TMEM167A: variants seen among roughly 807,000 people sequenced by gnomAD.
TMEM167A encodes the protein protein kish-A.
TMEM167A carries 8 observed loss-of-function variants against 11.6 expected under a neutral mutation model. The observed-to-expected ratio is 0.69, with a 90% CI of 0.40 to 1.24. TMEM167A has a LOEUF of 1.24. TMEM167A is among the 50% of genes most tolerant of loss of function. TMEM167A has a pLI of 0.01. For synonymous variants in TMEM167A, 22 were observed against 28.0 expected, an observed-to-expected ratio of 0.79 and a Z score of 0.67; for missense variants, 62 against 87.0, an observed-to-expected ratio of 0.71 and a Z score of 1.14.
chr5:83,069,168 A>G (rs1744526842), intron 1 of TMEM167A, among the ~76,000 whole-genome samples: 1 of 152,182 alleles, frequency 6.6e-6, no homozygotes, highest in Non-Finnish European at 1.5e-5. Context: ...AAAACAAATA[A>G]TCTTAGGTGG....
chr5:83,069,442 T>C (rs1189705112), intron 1 of TMEM167A, among the ~76,000 whole-genome samples: 1 of 152,256 alleles, frequency 6.6e-6, no homozygotes, highest in East Asian at 1.9e-4. Flanking sequence ...GAAAAGATGA[T>C]TAAAAGGTGG....
intron 3 of TMEM167A, among the ~76,000 whole-genome samples, chr5:83,061,247 T>C (rs1744402244): frequency 6.6e-6 from 1 of 152,188 alleles, no homozygotes; most frequent in Non-Finnish European, 1.5e-5. Flanking sequence ...CAAAATGGTA[T>C]ACATTATACA....
intron 3 of TMEM167A, among the ~76,000 whole-genome samples, chr5:83,057,754 C>T (rs375786341): frequency 1.3e-5 from 2 of 152,074 alleles, no homozygotes; most frequent in East Asian, 3.9e-4. Context: ...AAAAGTAGAA[C>T]TAAAACTAAC....
At chr5:83,062,835 A>C (rs894771889) in intron 2 of TMEM167A, among the ~76,000 whole-genome samples, 2 of 151,494 alleles carry the variant, frequency 1.3e-5, no homozygotes, top group Non-Finnish European at 2.9e-5. Context: ...AAATTCCAGA[A>C]AAATTTATAG....
chr5:83,075,880 G>A (rs1032136694), intron 1 of TMEM167A, among the ~76,000 whole-genome samples: 12 of 152,174 alleles, frequency 7.9e-5, no homozygotes, highest in African/African-American at 1.4e-4. Context: ...AAGCTGCTAA[G>A]TTAGCCTTCT....
Position 83,056,796 on chromosome 5 carries a change from A to G in TMEM167A, c.*288T>C, listed in dbSNP as rs1048186056. 1.2e-5 allele frequency: 5 copies of G among 417,126 alleles called. No individual in the cohort carries two copies. The highest frequency in any genetic ancestry group is 8.4e-5 in the African/African-American group (4 of 47,686). 25.8% of individuals were successfully genotyped at this position (417,126 alleles called of 1,614,324 possible). A position where few individuals can be genotyped will look rare whatever the true frequency, so the allele number is the denominator to read the frequency against. On this transcript the variant is annotated 3_prime_UTR_variant, in exon 4 of 4. Transcript: ENST00000502346. Reference sequence around the variant, plus strand: ...TTTTGTTTTCTACTATGTGCCTTAGAGATACCTCACTAAAATTTTGTATCT... The same window carrying G: ...TTTTGTTTTCTACTATGTGCCTTAGGGATACCTCACTAAAATTTTGTATCT...
chr5:83,054,084 C>T lies in TMEM167A; in HGVS notation c.*3000G>A, dbSNP rs1744295197. ...GTAAACTTGGAAAAGTTAATTTATT[C>T]AATCTCTATTTTGTCCTAACTAGAC... On this transcript the variant is annotated 3_prime_UTR_variant, in exon 4 of 4. Coordinates refer to ENST00000502346, the MANE Select transcript of TMEM167A (RefSeq NM_174909.5). The T allele has an allele frequency of 6.6e-6, 1 of 151,990 alleles. No individual in the cohort carries two copies. The highest frequency in any genetic ancestry group is 2.4e-5 in the African/African-American group (1 of 41,414). 9.4% of individuals were successfully genotyped at this position (151,990 alleles called of 1,614,324 possible).
At chr5:83,063,524 A>G (rs1744435495) in intron 2 of TMEM167A, among the ~76,000 whole-genome samples, 1 of 152,130 alleles carries the variant, frequency 6.6e-6, no homozygotes, top group South Asian at 2.1e-4. Context: ...CTAATATTCT[A>G]GAAGTAACAA....
rs1259546271 is a variant in TMEM167A, at chr5:83,053,532, AG to A, written c.*3551del. The stretch of plus-strand genomic sequence containing the variant: ...TTCAACCTTCTTTGCACATACACCA[AG>A]GAAGAATTTAAATTTCTGCCCTTGA... On this transcript the variant is annotated 3_prime_UTR_variant, in exon 4 of 4. Coordinates refer to ENST00000502346, the MANE Select transcript of TMEM167A (RefSeq NM_174909.5). 1.3e-5 allele frequency: 2 copies of A among 152,144 alleles called. No individual in the cohort carries two copies. The highest frequency in any genetic ancestry group is 3.9e-4 in the East Asian group (2 of 5,182). The allele number at this position is 152,144 out of a possible 1,614,324, so 9.4% of individuals were successfully genotyped here. A position where few individuals can be genotyped will look rare whatever the true frequency, so the allele number is the denominator to read the frequency against.
At position 83,077,317 on chromosome 5, in the gene TMEM167A, T is replaced by A; in HGVS notation, c.3+4A>T. 1 of 1,614,140 alleles carries A rather than the reference T, an allele frequency of 6.2e-7. No individual in the cohort carries two copies. The highest frequency in any genetic ancestry group is 8.5e-7 in the Non-Finnish European group (1 of 1,180,002). On this transcript the variant is annotated splice_donor_region_variant and intron_variant, in intron 1 of 3. Transcript: ENST00000502346. ...AACCGCGACCTGGGAGCCCCACTTC[T>A]TACCATAGCGAGGCCGGCGATGCCG...
chr5:83,068,171 GA>G (rs1275977327), intron 1 of TMEM167A, among the ~76,000 whole-genome samples: 1 of 152,006 alleles, frequency 6.6e-6, no homozygotes, highest in African/African-American at 2.4e-5. Flanking sequence ...TGACCTCATA[GA>G]AAATAAAGCA....
At chr5:83,071,915 T>C (rs1744567838) in intron 1 of TMEM167A, among the ~76,000 whole-genome samples, 2 of 152,208 alleles carry the variant, frequency 1.3e-5, no homozygotes, top group African/African-American at 4.8e-5. Context: ...TCTCCACTTG[T>C]CAGTTTCATT....
intron 1 of TMEM167A, among the ~76,000 whole-genome samples, chr5:83,076,911 C>T (rs1208757469): frequency 6.6e-6 from 1 of 152,158 alleles, no homozygotes; most frequent in Non-Finnish European, 1.5e-5. Flanking sequence ...GAGTTTGGTG[C>T]CAAAAGAAAC....
chr5:83,065,725 C>T (rs1744472112), intron 1 of TMEM167A, among the ~76,000 whole-genome samples: 1 of 152,112 alleles, frequency 6.6e-6, no homozygotes, highest in Non-Finnish European at 1.5e-5. Flanking sequence ...CCAAAACACT[C>T]CTGGCTCCAA....
At chr5:83,076,984 A>T (rs1239853416) in intron 1 of TMEM167A, among the ~76,000 whole-genome samples, 1 of 152,268 alleles carries the variant, frequency 6.6e-6, no homozygotes, top group Non-Finnish European at 1.5e-5. Context: ...AGGAGTTGCA[A>T]CAAAACAAGC....
intron 1 of TMEM167A, among the ~76,000 whole-genome samples, chr5:83,076,740 C>A: frequency 6.6e-6 from 1 of 152,216 alleles, no homozygotes; most frequent in Non-Finnish European, 1.5e-5. Flanking sequence ...CTAGACACCA[C>A]TCCAATAAGT....
intron 3 of TMEM167A, among the ~76,000 whole-genome samples, 166 bp downstream of exon 3, chr5:83,061,711 T>C (rs1744409563): frequency 6.6e-6 from 1 of 152,154 alleles, no homozygotes; most frequent in African/African-American, 2.4e-5. Context: ...TGGTTTTAAA[T>C]AGCATAAGGA....
intron 3 of TMEM167A, among the ~76,000 whole-genome samples, chr5:83,061,135 A>C (rs1303851309): frequency 6.6e-6 from 1 of 152,230 alleles, no homozygotes; most frequent in African/African-American, 2.4e-5. Flanking sequence ...TTCAATAGAC[A>C]AAACAGTTAA....
rs1330946013 is a variant in TMEM167A, at chr5:83,052,954, C to T, written c.*4130G>A. On this transcript the variant is annotated 3_prime_UTR_variant, in exon 4 of 4. Coordinates refer to ENST00000502346, the MANE Select transcript of TMEM167A (RefSeq NM_174909.5). ...TCACAGGAAATATAATTCCACCTCC[C>T]CCTTTTTTTCTGATATTGGAGTAGC... 6.6e-6 allele frequency: 1 copy of T among 151,834 alleles called. No homozygotes were observed. The highest frequency in any genetic ancestry group is 2.4e-5 in the African/African-American group (1 of 41,372). The allele number at this position is 151,834 out of a possible 1,614,324, so 9.4% of individuals were successfully genotyped here.
Sources: allele counts gnomAD v4.1 joint callset (sites outside exome capture counted in the v4.1 genomes callset), GRCh38; gene constraint gnomAD v4.1.1; transcripts MANE v1.5; gene names NCBI Gene and HGNC (gene_info 2026-07-23, HGNC 2026-07-21).